SLC8A2: variants seen among roughly 807,000 people sequenced by gnomAD.
SLC8A2 encodes the protein solute carrier family 8 member A2, also known as sodium/calcium exchanger 2.
Under a neutral mutation model 70.2 loss-of-function variants are expected in SLC8A2, and 14 were observed. The ratio of observed to expected loss-of-function variants is 0.20; its 90% CI spans 0.13 to 0.31. The LOEUF (loss-of-function observed/expected upper bound fraction) is 0.31. SLC8A2 is among the 10% of genes least tolerant of loss of function. The pLI, the probability that SLC8A2 is intolerant of heterozygous loss-of-function variation, is 1.00. For synonymous variants in SLC8A2, 575 were observed against 594.3 expected (o/e 0.97, Z 0.47); for missense variants, 779 against 1,320.1 (o/e 0.59, Z 6.35).
At chr19:47,457,938 G>A (rs1455701716) in intron 2 of SLC8A2, among the ~76,000 whole-genome samples, 2 of 151,276 alleles carry the variant, frequency 1.3e-5, no homozygotes, top group Non-Finnish European at 3.0e-5. Context: ...TTGGCCTCCC[G>A]GGTCCCGGTT....
At chr19:47,457,739 CTGTT>C (rs1188518739) in intron 2 of SLC8A2, 145 bp from the exon 3 acceptor site, 4 of 421,796 alleles carry the variant, frequency 9.5e-6, no homozygotes, top group Non-Finnish European at 1.2e-5. Flanking sequence ...CTATCCCTTT[CTGTT>C]TCTTTTCTTT....
At position 47,432,221 on chromosome 19, in the gene SLC8A2, G is replaced by A; in HGVS notation, c.2335C>T (p.Leu779Phe). 6.2e-7 allele frequency: 1 copy of A among 1,614,028 alleles called. No homozygotes were observed. The highest frequency in any genetic ancestry group is 8.5e-7 in the Non-Finnish European group (1 of 1,179,942). Residue 779 changes from leucine to phenylalanine, a missense_variant, in exon 9 of 10, where the codon CTC (leucine) becomes TTC (phenylalanine). Transcript: ENST00000236877. The surrounding 1 kb of genome is among the most constrained non-coding windows in gnomAD (Gnocchi z 6.2). ...LASHFGCTVG[L>F]KDSVNAVVFV... ...ACAACAGCATTGACAGAGTCCTTGA[G>A]GCCAACGGTGCAGCCGAAGTGGGAG...
chr19:47,434,395 T>C (rs1401177391), intron 8 of SLC8A2, among the ~76,000 whole-genome samples: 5 of 152,208 alleles, frequency 3.3e-5, no homozygotes. Flanking sequence ...GTCACCTCTC[T>C]GGTGTCCAAC....
Position 47,430,678 on chromosome 19 carries a change from C to T in SLC8A2, c.2390-213G>A, listed in dbSNP as rs1470543147. Among the ~76,000 whole-genome samples, 1 of 152,222 alleles carries T rather than the reference C, an allele frequency of 6.6e-6. No individual in the cohort carries two copies. Among genetic ancestry groups the T allele is most frequent in the East Asian group, 1.9e-4 (1 of 5,196 alleles). On this transcript the variant is annotated intron_variant, in intron 9 of 9. Coordinates refer to ENST00000236877, the MANE Select transcript of SLC8A2 (RefSeq NM_015063.3). The surrounding 1 kb of genome is among the most constrained non-coding windows in gnomAD (Gnocchi z 5.9). ...GCTGCCGGCTTTCTATGGGACCTGC[C>T]GCCTGCTTTCTGTGGGATTCATTCT... is the stretch of plus-strand genomic sequence containing the variant.
At chr19:47,451,005 CTTTTTTTTTT>C (rs71180844) in intron 3 of SLC8A2, among the ~76,000 whole-genome samples, 12 of 80,216 alleles carry the variant, frequency 1.5e-4, no homozygotes, top group African/African-American at 4.8e-4. Context: ...GTAGCACTAT[CTTTTTTTTTT>C]TTTTTTTTTT....
At chr19:47,459,526 G>A (rs927756226) in intron 2 of SLC8A2, among the ~76,000 whole-genome samples, 26 of 151,844 alleles carry the variant, frequency 1.7e-4, no homozygotes, top group South Asian at 6.3e-4. Context: ...GTGCACGTGC[G>A]TGCGCGTGTG....
chr19:47,452,441 AGAGAGTGTGTGTGTGTGTGTGT>A (rs1568444565), intron 3 of SLC8A2, among the ~76,000 whole-genome samples: 1 of 65,170 alleles, frequency 1.5e-5, no homozygotes, highest in Non-Finnish European at 2.9e-5. Context: ...AGAGAGAGAG[AGAGAGTGTGTGTGTGTGTGTGT>A]GTGTGTGTGT....
In SLC8A2 at chr19:47,430,280, C is replaced by CG; in HGVS notation, c.2574dup (p.Val859ArgfsTer114). 1 of 1,612,544 alleles carries CG rather than the reference C, an allele frequency of 6.2e-7. No individual in the cohort carries two copies. Among genetic ancestry groups the CG allele is most frequent in the Non-Finnish European group, 8.5e-7 (1 of 1,179,330 alleles). ...AAGGCGAAGACGGTGAAGAGCGTGACGGAGAAGGCCAGCGTGCCAGTGCGC... is the reference window on the plus strand; with the variant it reads ...AAGGCGAAGACGGTGAAGAGCGTGACGGGAGAAGGCCAGCGTGCCAGTGCGC... On this transcript the variant is annotated frameshift_variant, in exon 10 of 10. Coordinates refer to ENST00000236877, the MANE Select transcript of SLC8A2 (RefSeq NM_015063.3). LOFTEE classifies it high-confidence loss of function. This position sits in a 1 kb window ranked among gnomAD's most constrained non-coding sequence, Gnocchi z 5.9.
At position 47,466,565 on chromosome 19, in the gene SLC8A2, G is replaced by C. The variant is rs1967464902; in HGVS notation, c.-16-146C>G. ...GGGGACTGAGGGCGACAGAGACACA[G>C]AGAGTGACAGACAGAGACCCACAGA... On this transcript the variant is annotated intron_variant, in intron 1 of 9. Coordinates refer to ENST00000236877, the MANE Select transcript of SLC8A2 (RefSeq NM_015063.3). The surrounding 1 kb of genome is among the most constrained non-coding windows in gnomAD (Gnocchi z 6.9). 8 of 535,798 alleles carry C rather than the reference G, an allele frequency of 1.5e-5. No individual in the cohort carries two copies. In the South Asian group the frequency reaches 2.2e-4, roughly 15 times the overall value. The allele number at this position is 535,798 out of a possible 1,614,324, so 33.2% of individuals were successfully genotyped here. A position where few individuals can be genotyped will look rare whatever the true frequency, so the allele number is the denominator to read the frequency against.
At chr19:47,453,067 A>G (rs1332848324) in intron 3 of SLC8A2, among the ~76,000 whole-genome samples, 2 of 152,194 alleles carry the variant, frequency 1.3e-5, no homozygotes, top group Non-Finnish European at 2.9e-5. Context: ...TTAGAATTCT[A>G]GAATCTTAGA....
At position 47,467,206 on chromosome 19, in the gene SLC8A2, T is replaced by C. The variant is rs570316534; in HGVS notation, c.-16-787A>G. 1.8e-3 allele frequency among the ~76,000 whole-genome samples: 277 copies of C among 152,348 alleles called. 4 individuals are homozygous for C. The highest frequency in any genetic ancestry group is 6.3e-3 in the African/African-American group (263 of 41,584). ...GAGCACTGAAAAGGGAGTGAACTAT[T>C]TGCTGCTGCACCCAGCACATGGATG... On this transcript the variant is annotated intron_variant, in intron 1 of 9. Coordinates refer to ENST00000236877, the MANE Select transcript of SLC8A2 (RefSeq NM_015063.3).
At position 47,429,649 on chromosome 19, in the gene SLC8A2, G is replaced by A. The variant is rs1448513689; in HGVS notation, c.*440C>T. On this transcript the variant is annotated 3_prime_UTR_variant, in exon 10 of 10. Coordinates refer to ENST00000236877, the MANE Select transcript of SLC8A2 (RefSeq NM_015063.3). Reference sequence around the variant, plus strand: ...CCTCCTTCGAGGGTCCCCCAGGGAGGGTGGGTTCTGAGGCTCTGGGACATG... The same window carrying A: ...CCTCCTTCGAGGGTCCCCCAGGGAGAGTGGGTTCTGAGGCTCTGGGACATG... 5.8e-6 allele frequency: 1 copy of A among 172,526 alleles called. No homozygotes were observed. 10.7% of individuals were successfully genotyped at this position (172,526 alleles called of 1,614,324 possible). A position where few individuals can be genotyped will look rare whatever the true frequency, so the allele number is the denominator to read the frequency against.
In SLC8A2 at chr19:47,447,665, C is replaced by T; in HGVS notation, c.1763+144G>A. ...GCCCCGCCCACGTTGCGGGCACGGCCACGCAGGCCCCTCCCCTCCCGAGGC... is the reference window on the plus strand; with the variant it reads ...GCCCCGCCCACGTTGCGGGCACGGCTACGCAGGCCCCTCCCCTCCCGAGGC... On this transcript the variant is annotated intron_variant, in intron 4 of 9. Transcript: ENST00000236877. This position sits in a 1 kb window ranked among gnomAD's most constrained non-coding sequence, Gnocchi z 5.1. The T allele has an allele frequency of 2.3e-6, 2 of 861,516 alleles. No homozygotes were observed. Among genetic ancestry groups the T allele is most frequent in the Non-Finnish European group, 1.7e-6 (1 of 594,986 alleles). The allele number at this position is 861,516 out of a possible 1,614,324, so 53.4% of individuals were successfully genotyped here. A position where few individuals can be genotyped will look rare whatever the true frequency, so the allele number is the denominator to read the frequency against.
In SLC8A2 at chr19:47,456,922, G is replaced by A; in HGVS notation, c.1340+8C>T. 6.3e-7 allele frequency: 1 copy of A among 1,585,224 alleles called. No individual in the cohort carries two copies. The highest frequency in any genetic ancestry group is 8.6e-7 in the Non-Finnish European group (1 of 1,166,612). On this transcript the variant is annotated splice_region_variant and intron_variant, in intron 3 of 9. Coordinates refer to ENST00000236877, the MANE Select transcript of SLC8A2 (RefSeq NM_015063.3). ...CCCCCTGCACACCCCCCACCCCGGGGGACCCACCTGTACTCGTAGTCGGAG... is the reference window on the plus strand; with the variant it reads ...CCCCCTGCACACCCCCCACCCCGGGAGACCCACCTGTACTCGTAGTCGGAG...
chr19:47,462,128 C>T (rs1967402885), intron 2 of SLC8A2, among the ~76,000 whole-genome samples: 1 of 152,208 alleles, frequency 6.6e-6, no homozygotes, highest in Non-Finnish European at 1.5e-5. Context: ...GACAGTCCCA[C>T]ACAATGCAGA....
rs1159730079 is a variant in SLC8A2, at chr19:47,466,262, G to T, written c.142C>A (p.Arg48Ser). ...GGCAGCAGCACCCCCGGCTGGCAGC[G>T]GTAGGACCCCTGGCAGCCCCCTGTG... ...TSTGGCQGSYRCQPGVLLPVW... is the reference protein window; with the variant it reads ...TSTGGCQGSYSCQPGVLLPVW... Residue 48 changes from arginine to serine, a missense_variant, in exon 2 of 10, where the codon CGC becomes AGC. Physicochemically the swap from Arg to Ser is moderately radical, Grantham distance 110. Transcript: ENST00000236877. The surrounding 1 kb of genome is among the most constrained non-coding windows in gnomAD (Gnocchi z 6.9). 2 of 1,584,762 alleles carry T rather than the reference G, an allele frequency of 1.3e-6. No homozygotes were observed. The highest frequency in any genetic ancestry group is 8.6e-7 in the Non-Finnish European group (1 of 1,163,306).
In SLC8A2 at chr19:47,465,129, A is replaced by G. The variant is rs1164229480; in HGVS notation, c.675+600T>C. 6.6e-6 allele frequency among the ~76,000 whole-genome samples: 1 copy of G among 152,224 alleles called. No homozygotes were observed. The highest frequency in any genetic ancestry group is 2.4e-5 in the African/African-American group (1 of 41,472). On this transcript the variant is annotated intron_variant, in intron 2 of 9. Transcript: ENST00000236877. The surrounding 1 kb of genome is among the most constrained non-coding windows in gnomAD (Gnocchi z 5.5). ...CAAACCGTGATTACATATCTGGCAAATGGCTAAATTATGCAGATGTAGGTA... is the reference window on the plus strand; with the variant it reads ...CAAACCGTGATTACATATCTGGCAAGTGGCTAAATTATGCAGATGTAGGTA...
At chr19:47,469,637 A>G (rs1476292798) in intron 1 of SLC8A2, among the ~76,000 whole-genome samples, 1 of 152,124 alleles carries the variant, frequency 6.6e-6, no homozygotes, top group South Asian at 2.1e-4. Flanking sequence ...CACTAGATAA[A>G]TATTTGTGAA....
chr19:47,439,365 T>TA (rs1476875084), intron 6 of SLC8A2, among the ~76,000 whole-genome samples: 1 of 151,718 alleles, frequency 6.6e-6, no homozygotes, highest in Non-Finnish European at 1.5e-5. Context: ...CCATCTCTAC[T>TA]AAAAAATACA....
Sources: allele counts gnomAD v4.1 joint callset (sites outside exome capture counted in the v4.1 genomes callset), GRCh38; gene constraint gnomAD v4.1.1; non-coding constraint Gnocchi (gnomAD v3.1); transcripts MANE v1.5; gene names NCBI Gene and HGNC (gene_info 2026-07-23, HGNC 2026-07-21).